Variants in PHLDB2 observed in about 807,000 individuals in gnomAD.
PHLDB2 encodes the protein pleckstrin homology like domain family B member 2, also known as pleckstrin homology-like domain family B member 2.
Under a neutral mutation model 123.6 loss-of-function variants are expected in PHLDB2, and 71 were observed. The observed-to-expected ratio is 0.57, with a 90% CI of 0.47 to 0.70. The LOEUF (loss-of-function observed/expected upper bound fraction) is 0.70. Ranked by LOEUF, PHLDB2 falls within the 30% of genes least tolerant of loss-of-function variation. The probability of loss-of-function intolerance (pLI) is 0.00; values close to 1 mark genes in which losing one functional copy is unlikely to be tolerated. For synonymous variants in PHLDB2, 547 were observed against 541.6 expected (o/e 1.01, Z -0.14); for missense variants, 1,446 against 1,519.5 (o/e 0.95, Z 0.80).
chr3:111,775,670 C>T (rs566228699), intron 1 of PHLDB2, among the ~76,000 whole-genome samples: 105 of 152,172 alleles, frequency 6.9e-4, no homozygotes, highest in African/African-American at 2.4e-3. Flanking sequence ...AACTAGAATA[C>T]TCAGGAAATG....
chr3:111,958,745 T>C, intron 12 of PHLDB2: 1 of 455,894 alleles, frequency 2.2e-6, no homozygotes, highest in Non-Finnish European at 4.4e-6. Flanking sequence ...TTTAGTTGCT[T>C]TCCCACTGAT....
intron 1 of PHLDB2, among the ~76,000 whole-genome samples, chr3:111,743,764 T>C (rs1403860973): frequency 6.6e-6 from 1 of 152,240 alleles, no homozygotes; most frequent in Non-Finnish European, 1.5e-5. Flanking sequence ...GGTAAGCTTT[T>C]AGTGTATAAG....
rs2066086872 is a variant in PHLDB2, at chr3:111,884,956, T to A, written c.879T>A (p.His293Gln). ...AACTTGGGGAAAAGGATCTACCTCA[T>A]AGCGTAATAGACAATGACAATTACC... ...RTKLGEKDLP[H>Q]SVIDNDNYLN... Residue 293 changes from histidine (H) to glutamine (Q), a missense_variant, in exon 2 of 18, where the codon CAT (histidine) becomes CAA (glutamine). Physicochemically the swap from His to Gln is conservative, Grantham distance 24. Around this residue, in one of 3 missense-constraint regions of PHLDB2, gnomAD observed 832 missense variants for 831.9 expected, o/e 1.00. Transcript: ENST00000431670. 6.2e-7 allele frequency: 1 copy of A among 1,613,988 alleles called. No homozygotes were observed. Among genetic ancestry groups the A allele is most frequent in the South Asian group, 1.1e-5 (1 of 91,080 alleles).
At position 111,967,898 on chromosome 3, in the gene PHLDB2, G is replaced by A. The variant is rs2071882944; in HGVS notation, c.3315+74G>A. The A allele has an allele frequency of 5.4e-5, 71 of 1,324,514 alleles. 2 individuals carry two copies. In the South Asian group the frequency reaches 1.0e-3, roughly 19 times the overall value. The allele number at this position is 1,324,514 out of a possible 1,614,324, so 82.0% of individuals were successfully genotyped here. A position where few individuals can be genotyped will look rare whatever the true frequency, so the allele number is the denominator to read the frequency against. On this transcript the variant is annotated intron_variant, in intron 15 of 17. Transcript: ENST00000431670. ...AGTTCCTAGAAGACAGCTGTTCTGT[G>A]TCTGAGGATGCTTTCCTGGGCACTG...
At chr3:111,785,193 A>G (rs905928832) in intron 1 of PHLDB2, among the ~76,000 whole-genome samples, 3 of 152,022 alleles carry the variant, frequency 2.0e-5, no homozygotes, top group African/African-American at 7.2e-5. Context: ...ACATTTCATC[A>G]CATGTTTGTG....
At chr3:111,949,967 A>G (rs1192731365) in intron 10 of PHLDB2, 1 of 935,702 alleles carries the variant, frequency 1.1e-6, no homozygotes, top group African/African-American at 1.8e-5. Flanking sequence ...CTTTTCTTCT[A>G]CTTTCCCAAA....
rs562663032 is a variant in PHLDB2, at chr3:111,952,692, G to T, written c.2752G>T (p.Gly918Trp). Residue 918 changes from glycine to tryptophan, a missense_variant, in exon 11 of 18, where the codon GGG becomes TGG. Physicochemically the swap from Gly to Trp is radical, Grantham distance 184. Around this residue, in one of 3 missense-constraint regions of PHLDB2, gnomAD observed 594 missense variants for 646.0 expected, o/e 0.92. Transcript: ENST00000431670. Reference sequence around the variant, plus strand: ...CCCACATTTCAGCAGTGCTACTATGGGGAGAAGCATCACCCCAAAGGTAGG... The same window carrying T: ...CCCACATTTCAGCAGTGCTACTATGTGGAGAAGCATCACCCCAAAGGTAGG... ...ISPHFSSATMGRSITPKAHLP... is the reference protein window; with the variant it reads ...ISPHFSSATMWRSITPKAHLP... 2 of 1,613,190 alleles carry T rather than the reference G, an allele frequency of 1.2e-6. No individual in the cohort carries two copies. Among genetic ancestry groups the T allele is most frequent in the South Asian group, 2.2e-5 (2 of 90,754 alleles).
chr3:111,749,160 A>G (rs1396157746), intron 1 of PHLDB2, among the ~76,000 whole-genome samples: 2 of 152,094 alleles, frequency 1.3e-5, no homozygotes, highest in African/African-American at 4.8e-5. Flanking sequence ...CATTTTGAGG[A>G]TAAGTTCAAA....
chr3:111,851,942 G>C (rs1405083333), intron 2 of PHLDB2, among the ~76,000 whole-genome samples: 3 of 150,304 alleles, frequency 2.0e-5, no homozygotes, highest in East Asian at 3.9e-4. Context: ...CCTCTGCCTA[G>C]AAGGCCCCTC....
chr3:111,926,900 A>G (rs1173894857), intron 5 of PHLDB2, among the ~76,000 whole-genome samples: 2 of 152,190 alleles, frequency 1.3e-5, no homozygotes, highest in Non-Finnish European at 2.9e-5. Flanking sequence ...GTCATATAAT[A>G]TACGCTATAT....
intron 1 of PHLDB2, among the ~76,000 whole-genome samples, chr3:111,881,419 A>T (rs763029986): frequency 2.0e-5 from 3 of 152,210 alleles, no homozygotes; most frequent in Non-Finnish European, 2.9e-5. Context: ...GAACCATGAG[A>T]TATAACTTAT....
chr3:111,938,012 T>C (rs2069609316), intron 6 of PHLDB2, among the ~76,000 whole-genome samples: 1 of 152,168 alleles, frequency 6.6e-6, no homozygotes. Context: ...CTGATTTTCA[T>C]AATTTCTGAT....
At chr3:111,775,021 G>A (rs6789977) in intron 1 of PHLDB2, among the ~76,000 whole-genome samples, 40,705 of 152,068 alleles carry the variant, frequency 0.27, 6,898 homozygotes, top group African/African-American at 0.48. Context: ...ACAATGTGTG[G>A]TATAAAGAAA....
chr3:111,900,420 A>C (rs2067128585), intron 2 of PHLDB2, among the ~76,000 whole-genome samples: 1 of 152,214 alleles, frequency 6.6e-6, no homozygotes, highest in South Asian at 2.1e-4. Flanking sequence ...GAACACTTAG[A>C]GGCTATCAAA....
chr3:111,783,006 T>TA (rs2060539344), intron 1 of PHLDB2, among the ~76,000 whole-genome samples: 1 of 152,092 alleles, frequency 6.6e-6, no homozygotes, highest in Admixed American at 6.6e-5. Flanking sequence ...TTTTTCTTCT[T>TA]AGTTCCTATC....
chr3:111,760,372 T>TA (rs1022009986), intron 1 of PHLDB2, among the ~76,000 whole-genome samples: 11 of 152,144 alleles, frequency 7.2e-5, no homozygotes, highest in Middle Eastern at 3.4e-3. Context: ...TTTGTTGAGA[T>TA]AAAAAAAATT....
At chr3:111,895,833 A>G (rs2066812875) in intron 2 of PHLDB2, among the ~76,000 whole-genome samples, 1 of 147,550 alleles carries the variant, frequency 6.8e-6, no homozygotes. Context: ...TGGGCAAAAG[A>G]GTGAAACTCA....
At chr3:111,777,815 A>G (rs1197235475) in intron 1 of PHLDB2, among the ~76,000 whole-genome samples, 2 of 152,142 alleles carry the variant, frequency 1.3e-5, no homozygotes, top group Non-Finnish European at 2.9e-5. Context: ...CTAATGGGCA[A>G]AAATAATGAG....
At chr3:111,838,240 G>A (rs7340610) in intron 1 of PHLDB2, among the ~76,000 whole-genome samples, 133,547 of 152,150 alleles carry the variant, frequency 0.88, 58,684 homozygotes, top group Middle Eastern at 0.97. Flanking sequence ...GGCTCAAGCA[G>A]TCTTCCCGCC....
Sources: gnomAD v4.1 joint callset for allele counts (sites outside exome capture counted in the v4.1 genomes callset) on GRCh38, gnomAD v4.1.1 for gene constraint, gnomAD v4.1.1 regional missense constraint, MANE v1.5 for transcripts, NCBI Gene and HGNC (gene_info 2026-07-23, HGNC 2026-07-21) for gene names.